The following ALAS1 variants were observed in gnomAD, a reference collection of about 807,000 sequenced individuals.
ALAS1 encodes 5-aminolevulinate synthase, non-specific, mitochondrial.
ALAS1 carries 29 observed loss-of-function variants against 59.6 expected under a neutral mutation model. The ratio of observed to expected loss-of-function variants is 0.49; its 90% confidence interval spans 0.36 to 0.66. The LOEUF (loss-of-function observed/expected upper bound fraction) is 0.66. ALAS1 is among the 30% of genes least tolerant of loss of function. The probability of loss-of-function intolerance (pLI) is 0.00; values close to 1 mark genes in which losing one functional copy is unlikely to be tolerated. For missense variants in ALAS1, 690 were observed against 807.5 expected, an observed-to-expected ratio of 0.85 and a Z score of 1.76; for synonymous variants, 299 against 296.6, an observed-to-expected ratio of 1.01 and a Z score of -0.08.
chr3:52,212,562 G>T lies in ALAS1; in HGVS notation c.1762+142G>T. The stretch of plus-strand genomic sequence containing the variant: ...GTTTTTTTTTTGAGACAAGAGTTTC[G>T]CTCTTGTTGCCCAGGCTGGAGTACA... On this transcript the variant is annotated intron_variant, in intron 11 of 11. Coordinates refer to ENST00000484952, the MANE Select transcript of ALAS1 (RefSeq NM_000688.6). 7 of 1,092,548 alleles carry T rather than the reference G, an allele frequency of 6.4e-6. No individual in the cohort carries two copies. In the South Asian group the frequency reaches 6.9e-5, roughly 11 times the overall value. The allele number at this position is 1,092,548 out of a possible 1,614,324, so 67.7% of individuals were successfully genotyped here.
Position 52,204,777 on chromosome 3 carries a change from C to T in ALAS1, c.662C>T (p.Thr221Ile), listed in dbSNP as rs1559873302. 6.2e-7 allele frequency: 1 copy of T among 1,614,142 alleles called. No individual in the cohort carries two copies. Reference sequence around the variant, plus strand: ...GACCACACCTATCGAGTTTTTAAAACTGTGAACCGGCGAGCACACATCTTC... The same window carrying T: ...GACCACACCTATCGAGTTTTTAAAATTGTGAACCGGCGAGCACACATCTTC... ...KNDHTYRVFK[T>I]VNRRAHIFPM... The change falls in exon 6 of 12, where the codon ACT becomes ATT. Residue 221 changes from threonine (T) to isoleucine (I), a missense_variant. Physicochemically the swap from Thr to Ile is moderately conservative, Grantham distance 89. Transcript: ENST00000484952.
chr3:52,203,200 A>C (rs917429229), intron 4 of ALAS1, among the ~76,000 whole-genome samples: 6 of 152,232 alleles, frequency 3.9e-5, no homozygotes, highest in Non-Finnish European at 7.4e-5. Flanking sequence ...CCAAAAGCCT[A>C]ACCAGCAGAA....
intron 7 of ALAS1, among the ~76,000 whole-genome samples, 171 bp from the exon 8 acceptor site, chr3:52,206,401 C>G (rs1434022577): frequency 6.6e-6 from 1 of 152,186 alleles, no homozygotes; most frequent in African/African-American, 2.4e-5. Flanking sequence ...TGGGCCTTCT[C>G]ACAAGGGAAG....
At position 52,204,727 on chromosome 3, in the gene ALAS1, G is replaced by GA. The variant is rs1559873230; in HGVS notation, c.619dup (p.Ile207AsnfsTer2). On this transcript the variant is annotated frameshift_variant, in exon 6 of 12. Transcript: ENST00000484952. LOFTEE classifies it high-confidence loss of function. ...CTTTTCAGTATGATCGTTTCTTTGA[G>GA]AAAAAAATTGATGAGAAAAAGAATG... 5.6e-6 allele frequency: 9 copies of GA among 1,613,866 alleles called. No homozygotes were observed. Among genetic ancestry groups the GA allele is most frequent in the Non-Finnish European group, 7.6e-6 (9 of 1,180,002 alleles).
rs1245801218 is a variant in ALAS1 at position 52,214,211 on chromosome 3, G to A, written c.*31G>A. On this transcript the variant is annotated 3_prime_UTR_variant, in exon 12 of 12. Transcript: ENST00000484952. Reference sequence around the variant, plus strand: ...ACCTCAATTATTTCACTTAACCCCAGGCCATTATCATATCCAGATGGTCTT... The same window carrying A: ...ACCTCAATTATTTCACTTAACCCCAAGCCATTATCATATCCAGATGGTCTT... 6 of 1,557,126 alleles carry A rather than the reference G, an allele frequency of 3.9e-6. No homozygotes were observed. Among genetic ancestry groups the A allele is most frequent in the Non-Finnish European group, 2.6e-6 (3 of 1,137,926 alleles).
chr3:52,205,132 G>A (rs1258403338), intron 6 of ALAS1, among the ~76,000 whole-genome samples: 2 of 152,224 alleles, frequency 1.3e-5, no homozygotes, highest in African/African-American at 2.4e-5. Context: ...GAGGGTTCAA[G>A]CTTATAGGCT....
chr3:52,205,734 A>T, intron 6 of ALAS1, 105 bp from the exon 7 acceptor site: 1 of 1,096,830 alleles, frequency 9.1e-7, no homozygotes, highest in Non-Finnish European at 1.3e-6. Context: ...GAGAGTTGCT[A>T]CATCAACATG....
In ALAS1 at chr3:52,212,416, C is replaced by T; in HGVS notation, c.1758C>T (p.Phe586=). The change falls in exon 11 of 12, where the codon TTC becomes TTT. Residue 586 remains phenylalanine (F), a synonymous_variant. Transcript: ENST00000484952. The part of the protein sequence containing the change: ...PHHTPQMMNY[F]LENLLVTWKQ... ...ACACACCCCAGATGATGAACTACTT[C>T]CTTGGTGAGTACCTGGGGAGCTGCT... 6.2e-7 allele frequency: 1 copy of T among 1,613,846 alleles called. No individual in the cohort carries two copies. Among genetic ancestry groups the T allele is most frequent in the African/African-American group, 1.3e-5 (1 of 75,032 alleles).
At position 52,211,564 on chromosome 3, in the gene ALAS1, C is replaced by T. The variant is rs775456891; in HGVS notation, c.1599+13C>T. The T allele has an allele frequency of 4.3e-6, 7 of 1,612,164 alleles. No individual in the cohort carries two copies. The highest frequency in any genetic ancestry group is 5.1e-6 in the Non-Finnish European group (6 of 1,178,320). On this transcript the variant is annotated intron_variant, in intron 10 of 11. Coordinates refer to ENST00000484952, the MANE Select transcript of ALAS1 (RefSeq NM_000688.6). ...CATCCCTGTGCGGGTAATGGCCTGT[C>T]TCTGATTGGACTTGCCGTGGGGTGT... is the stretch of plus-strand genomic sequence containing the variant.
chr3:52,211,414 T>C lies in ALAS1; in HGVS notation c.1462T>C (p.Ser488Pro), dbSNP rs1369876534. 1 of 1,613,836 alleles carries C rather than the reference T, an allele frequency of 6.2e-7. No homozygotes were observed. Among genetic ancestry groups the C allele is most frequent in the Non-Finnish European group, 8.5e-7 (1 of 1,179,994 alleles). Residue 488 changes from serine to proline, a missense_variant, in exon 10 of 12, where the codon TCT becomes CCT. By Grantham distance (74) the Ser-to-Pro change is moderately conservative. Transcript: ENST00000484952. ...PPMLLAGALE[S>P]VRILKSAEGR... Reference sequence around the variant, plus strand: ...CATGCTGCTGGCTGGAGCCCTGGAGTCTGTGCGGATCCTGAAGAGCGCTGA... The same window carrying C: ...CATGCTGCTGGCTGGAGCCCTGGAGCCTGTGCGGATCCTGAAGAGCGCTGA...
intron 7 of ALAS1, 38 bp from the exon 8 acceptor site, chr3:52,206,534 G>T: frequency 1.9e-6 from 3 of 1,587,566 alleles, no homozygotes; most frequent in Non-Finnish European, 2.6e-6. Flanking sequence ...ATTTGTCTTC[G>T]ATGCACATGG....
upstream of ALAS1, chr3:52,198,130 G>A (rs1046254329): frequency 7.5e-6 from 3 of 398,322 alleles, no homozygotes; most frequent in South Asian, 3.8e-4. Context: ...CACTCCCGCT[G>A]TATATTAAGG....
chr3:52,213,889 T>A, intron 11 of ALAS1, 131 bp from the exon 12 acceptor site: 1 of 789,218 alleles, frequency 1.3e-6, no homozygotes, highest in East Asian at 2.7e-5. Context: ...GGACATTTGG[T>A]TGTTTCTCTT....
In ALAS1 at chr3:52,198,265, CGCGCGGTAGGTGCGGCGCCG is replaced by C; in HGVS notation, c.-210+13_-210+32del. 2 of 402,664 alleles carry C rather than the reference CGCGCGGTAGGTGCGGCGCCG, an allele frequency of 5.0e-6. No individual in the cohort carries two copies. Among genetic ancestry groups the C allele is most frequent in the Middle Eastern group, 1.3e-3 (2 of 1,592 alleles). The allele number at this position is 402,664 out of a possible 1,614,324, so 24.9% of individuals were successfully genotyped here. The stretch of plus-strand genomic sequence containing the variant: ...GCAGTCCTCAGCGCAGGTGAGGGCC[CGCGCGGTAGGTGCGGCGCCG>C]GCCGAGGAAGCCCCGGGGTGTCCTG... On this transcript the variant is annotated intron_variant, in intron 1 of 11. Transcript: ENST00000484952.
intron 1 of ALAS1, 68 bp downstream of exon 1, chr3:52,198,323 C>G: frequency 2.5e-6 from 1 of 406,354 alleles, no homozygotes; most frequent in Non-Finnish European, 4.3e-6. Flanking sequence ...AGCCGTGGCA[C>G]CGCTGCCCCG....
intron 11 of ALAS1, 133 bp from the exon 12 acceptor site, chr3:52,213,887 G>A (rs559851996): frequency 2.6e-6 from 2 of 770,422 alleles, no homozygotes; most frequent in Non-Finnish European, 2.0e-6. Context: ...GTGGACATTT[G>A]GTTGTTTCTC....
chr3:52,206,860 A>C, intron 8 of ALAS1, 109 bp downstream of exon 8: 1 of 1,201,048 alleles, frequency 8.3e-7, no homozygotes, highest in Non-Finnish European at 1.2e-6. Flanking sequence ...TTTGTGACCG[A>C]TCCTCGCTCT....
chr3:52,206,378 T>C (rs1170160531), intron 7 of ALAS1, among the ~76,000 whole-genome samples, 194 bp from the exon 8 acceptor site: 1 of 152,166 alleles, frequency 6.6e-6, no homozygotes, highest in African/African-American at 2.4e-5. Context: ...GCCACAAGGT[T>C]ATTCTACACC....
chr3:52,203,471 G>T (rs1699230125), intron 4 of ALAS1, among the ~76,000 whole-genome samples: 1 of 152,002 alleles, frequency 6.6e-6, no homozygotes, highest in Admixed American at 6.5e-5. Context: ...AACCCAGGAG[G>T]CAGAGGTTGC....
Sources: gnomAD v4.1 joint callset for allele counts (sites outside exome capture counted in the v4.1 genomes callset) on GRCh38, gnomAD v4.1.1 for gene constraint, MANE v1.5 for transcripts, NCBI Gene and HGNC (gene_info 2026-07-23, HGNC 2026-07-21) for gene names.